Variants in NFASC observed in about 807,000 individuals in gnomAD.
NFASC encodes neurofascin homolog.
In NFASC, 43 loss-of-function variants were observed where a neutral mutation model predicts 147.5. That is an observed-to-expected ratio of 0.29 (90% CI 0.23 to 0.38). The LOEUF is 0.38. Ranked by LOEUF, NFASC falls within the 10% of genes least tolerant of loss-of-function variation. NFASC has a pLI of 1.00. For synonymous variants in NFASC, 622 were observed against 665.5 expected (o/e 0.93, Z 1.01); for missense variants, 1,320 against 1,689.0 (o/e 0.78, Z 3.83).
chr1:205,013,105 G>A (rs561533425), intron 29 of NFASC, among the ~76,000 whole-genome samples: 12 of 152,308 alleles, frequency 7.9e-5, no homozygotes, highest in Admixed American at 5.9e-4. Context: ...GTCACTGCCC[G>A]ACACATGCGT....
chr1:204,836,403 G>A (rs1571861893), intron 1 of NFASC, among the ~76,000 whole-genome samples: 1 of 152,146 alleles, frequency 6.6e-6, no homozygotes, highest in Admixed American at 6.5e-5. Flanking sequence ...TTGACAGAAG[G>A]TGTAATATTG....
In NFASC at chr1:204,974,789, C is replaced by A. The variant is rs1467532430; in HGVS notation, c.1524C>A (p.Gly508=). 1 of 1,614,172 alleles carries A rather than the reference C, an allele frequency of 6.2e-7. No individual in the cohort carries two copies. Among genetic ancestry groups the A allele is most frequent in the Non-Finnish European group, 8.5e-7 (1 of 1,180,032 alleles). Residue 508 remains glycine (G), a synonymous_variant, in exon 14 of 30, where the codon GGC becomes GGA. Transcript: ENST00000339876. ...CCTGTGTCGCCACCAACATCCTGGG[C>A]AAAGCTGAAAACCAAGTCCGCCTGG... ...IYTCVATNIL[G]KAENQVRLEV... is the part of the protein sequence containing the mutation.
intron 1 of NFASC, among the ~76,000 whole-genome samples, chr1:204,845,469 A>T (rs1450083663): frequency 6.6e-6 from 1 of 151,988 alleles, no homozygotes. Flanking sequence ...AAAAAATAAT[A>T]ATAATAATAA....
chr1:204,998,274 T>C (rs2095892053), intron 25 of NFASC: 1 of 152,198 alleles, frequency 6.6e-6, no homozygotes, highest in Admixed American at 6.5e-5. Flanking sequence ...GGAAGGTCTG[T>C]AGCTTCCTGA....
At chr1:204,861,078 C>CT (rs1162020795) in intron 1 of NFASC, among the ~76,000 whole-genome samples, 2,301 of 68,980 alleles carry the variant, frequency 0.033, 682 homozygotes, top group African/African-American at 0.12. Flanking sequence ...ACTTGCTTTC[C>CT]TTTTTTTTTT....
chr1:204,855,602 T>C (rs1232870675), intron 1 of NFASC, among the ~76,000 whole-genome samples: 1 of 151,998 alleles, frequency 6.6e-6, no homozygotes, highest in African/African-American at 2.4e-5. Flanking sequence ...AATTCCAAGG[T>C]CAAGTCAAAC....
At chr1:204,829,951 A>G (rs987283544) in intron 1 of NFASC, among the ~76,000 whole-genome samples, 3 of 151,550 alleles carry the variant, frequency 2.0e-5, no homozygotes, top group Admixed American at 1.3e-4. Flanking sequence ...GGCAGCCCCC[A>G]TCCTGTCCTG....
At chr1:204,951,554 C>T (rs556867108) in intron 4 of NFASC, among the ~76,000 whole-genome samples, 8 of 147,198 alleles carry the variant, frequency 5.4e-5, no homozygotes, top group East Asian at 4.2e-4. Flanking sequence ...CTGCAAGCTC[C>T]GCTTCCTGGG....
chr1:204,935,579 C>G (rs1182081236), intron 2 of NFASC, among the ~76,000 whole-genome samples: 1 of 152,142 alleles, frequency 6.6e-6, no homozygotes, highest in Non-Finnish European at 1.5e-5. Flanking sequence ...CTGTCCTGGG[C>G]TGGGTGCTGC....
intron 1 of NFASC, among the ~76,000 whole-genome samples, chr1:204,843,596 C>T (rs1259845095): frequency 1.2e-5 from 1 of 85,300 alleles, no homozygotes; most frequent in African/African-American, 6.1e-5. Flanking sequence ...TTCTTCCTTC[C>T]TTCCTTCCTT....
intron 28 of NFASC, among the ~76,000 whole-genome samples, chr1:205,012,414 A>G (rs2096270272): frequency 6.6e-6 from 1 of 152,396 alleles, no homozygotes; most frequent in African/African-American, 2.4e-5. Flanking sequence ...AAAAACGTCC[A>G]CAAATAGTTA....
At chr1:204,989,258 A>G (rs969424509) in intron 23 of NFASC, 2 of 180,614 alleles carry the variant, frequency 1.1e-5, no homozygotes, top group African/African-American at 4.7e-5. Context: ...AGGTAGGGGA[A>G]ACCGTCAGGA....
chr1:205,002,500 C>G (rs1162211909), intron 26 of NFASC, 96 bp from the exon 27 acceptor site: 1 of 1,081,726 alleles, frequency 9.2e-7, no homozygotes, highest in African/African-American at 1.6e-5. Flanking sequence ...TCCCTTCCCC[C>G]ACACTTTCTA....
At chr1:204,965,190 T>C (rs1439460586) in intron 8 of NFASC, among the ~76,000 whole-genome samples, 2 of 152,120 alleles carry the variant, frequency 1.3e-5, no homozygotes, top group African/African-American at 4.8e-5. Flanking sequence ...GAATAACCAA[T>C]ACTCTCCAGG....
intron 4 of NFASC, among the ~76,000 whole-genome samples, chr1:204,950,934 T>C (rs916474946): frequency 6.6e-6 from 1 of 152,066 alleles, no homozygotes; most frequent in African/African-American, 2.4e-5. Context: ...CCCTCTCTGC[T>C]CTAGCCTCAC....
intron 1 of NFASC, among the ~76,000 whole-genome samples, chr1:204,864,553 G>A (rs2076966362): frequency 6.6e-6 from 1 of 152,082 alleles, no homozygotes; most frequent in Non-Finnish European, 1.5e-5. Flanking sequence ...ATTGATTATA[G>A]CCATCCTCTA....
At chr1:204,997,486 C>A in intron 25 of NFASC, 80 bp downstream of exon 25, 1 of 1,496,502 alleles carries the variant, frequency 6.7e-7, no homozygotes, top group Non-Finnish European at 9.1e-7. Context: ...CAGGCTCCCC[C>A]AGCGAGGAGG....
In NFASC at chr1:204,976,722, C is replaced by G. The variant is rs1574031501; in HGVS notation, c.1758C>G (p.Asp586Glu). The change falls in exon 16 of 30, where the codon GAC (aspartate) becomes GAG (glutamate). Residue 586 changes from aspartate (D) to glutamate (E), a missense_variant. By Grantham distance (45) the Asp-to-Glu change is conservative. Around this residue, in one of 3 missense-constraint regions of NFASC, gnomAD observed 981 missense variants for 1,289.5 expected, o/e 0.76. Coordinates refer to ENST00000339876, the MANE Select transcript of NFASC (RefSeq NM_001005388.3). ...CCATCTTTGGGGTGGCAGAGCGGGA[C>G]CAGGGCAGTTACACGTGTGTCGCCA... Reference protein sequence around the residue: ...SLTIFGVAERDQGSYTCVAST... With the variant: ...SLTIFGVAEREQGSYTCVAST... 5 of 1,614,070 alleles carry G rather than the reference C, an allele frequency of 3.1e-6. No individual in the cohort carries two copies. Among genetic ancestry groups the G allele is most frequent in the Non-Finnish European group, 3.4e-6 (4 of 1,179,970 alleles).
chr1:204,833,958 A>G (rs1265152250), intron 1 of NFASC, among the ~76,000 whole-genome samples: 2 of 152,194 alleles, frequency 1.3e-5, no homozygotes, highest in African/African-American at 2.4e-5. Flanking sequence ...TGTAATACCT[A>G]GCTGGTAGTA....
Sources: allele counts gnomAD v4.1 joint callset (sites outside exome capture counted in the v4.1 genomes callset), GRCh38; gene constraint gnomAD v4.1.1; regional missense constraint gnomAD v4.1.1; transcripts MANE v1.5; gene names NCBI Gene and HGNC (gene_info 2026-07-23, HGNC 2026-07-21).